Variants in TENM1 observed in about 807,000 individuals in gnomAD.
TENM1 encodes teneurin transmembrane protein 1.
Under a neutral mutation model 174.8 loss-of-function variants are expected in TENM1, and 35 were observed. The ratio of observed to expected loss-of-function variants is 0.20; its 90% CI spans 0.15 to 0.27. TENM1 has a LOEUF of 0.27. Among genes scored for constraint, TENM1 ranks in the 10% least tolerant of loss-of-function variants. The pLI is 1.00. For synonymous variants in TENM1, 781 were observed against 798.7 expected (o/e 0.98, Z 0.37); for missense variants, 1,633 against 2,130.1 (o/e 0.77, Z 4.59).
intron 5 of TENM1, among the ~76,000 whole-genome samples, chrX:124,697,092 A>G (rs1019410129): frequency 9.0e-6 from 1 of 111,590 alleles, no homozygotes; most frequent in Non-Finnish European, 1.9e-5. Context: ...GCCAGATCAT[A>G]TATCTTTTCT....
At chrX:124,757,204 C>A (rs1472683782) in intron 3 of TENM1, among the ~76,000 whole-genome samples, 2 of 112,631 alleles carry the variant, frequency 1.8e-5, no homozygotes, top group Non-Finnish European at 3.8e-5. Context: ...ATGGCAGGCG[C>A]CCCTCCCCCA....
intron 3 of TENM1, among the ~76,000 whole-genome samples, chrX:124,881,419 TC>T (rs1347593374): frequency 2.7e-5 from 3 of 111,245 alleles, no homozygotes; most frequent in Non-Finnish European, 1.9e-5. Context: ...GGGTCTACTC[TC>T]TTTTTTTTTG....
At chrX:124,685,386 A>G in intron 5 of TENM1, among the ~76,000 whole-genome samples, 1 of 111,151 alleles carries the variant, frequency 9.0e-6, no homozygotes, top group Non-Finnish European at 1.9e-5. Flanking sequence ...CAGAGCTGAA[A>G]AACACAATGA....
chrX:124,694,649 C>T (rs1024522838), intron 5 of TENM1, among the ~76,000 whole-genome samples: 1 of 111,858 alleles, frequency 8.9e-6, no homozygotes, highest in African/African-American at 3.3e-5. Context: ...ATTGTGTACC[C>T]AGTATCTATA....
At chrX:124,894,070 CCTT>C (rs1342002714) in intron 3 of TENM1, among the ~76,000 whole-genome samples, 1 of 111,682 alleles carries the variant, frequency 9.0e-6, no homozygotes, top group Non-Finnish European at 1.9e-5. Context: ...CCTGTTTTAT[CCTT>C]CTCCCTAGCT....
At chrX:124,508,613 G>A (rs2047505343) in intron 18 of TENM1, among the ~76,000 whole-genome samples, 1 of 112,066 alleles carries the variant, frequency 8.9e-6, no homozygotes, top group African/African-American at 3.2e-5. Context: ...AGTACAGGTA[G>A]GAAATTAAAA....
chrX:124,971,421 G>A, the TENM1 span, among the ~76,000 whole-genome samples: 3 of 111,332 alleles, frequency 2.7e-5, no homozygotes, highest in South Asian at 3.8e-4. Flanking sequence ...CTTCCTTCGC[G>A]CTAGATGATT....
chrX:124,641,283 A>G (rs959901612), intron 11 of TENM1, among the ~76,000 whole-genome samples: 13 of 112,049 alleles, frequency 1.2e-4, no homozygotes, highest in African/African-American at 3.9e-4. Context: ...TTATCTACAG[A>G]TAATGGGAAA....
chrX:124,777,701 C>T (rs186100954), intron 3 of TENM1, among the ~76,000 whole-genome samples: 11 of 112,345 alleles, frequency 9.8e-5, no homozygotes, highest in Non-Finnish European at 1.9e-4. Context: ...ATTGCCAATA[C>T]CTTTCCTGAT....
intron 11 of TENM1, among the ~76,000 whole-genome samples, chrX:124,604,801 C>A: frequency 9.0e-6 from 1 of 110,733 alleles, no homozygotes; most frequent in East Asian, 2.9e-4. Context: ...GGATTTGAAT[C>A]CTAGATCCAG....
the TENM1 span, among the ~76,000 whole-genome samples, chrX:125,035,312 T>C: frequency 1.8e-5 from 2 of 111,762 alleles, no homozygotes; most frequent in African/African-American, 3.2e-5. Context: ...TACTCTGCTA[T>C]AACAACCAGA....
Position 124,846,756 on chromosome X carries a change from A to G in TENM1, c.535+47540T>C, listed in dbSNP as rs150333637. 3.2e-3 allele frequency among the ~76,000 whole-genome samples: 354 copies of G among 111,654 alleles called. 2 individuals carry two copies. Among genetic ancestry groups the G allele is most frequent in the African/African-American group, 0.011 (344 of 30,843 alleles). On this transcript the variant is annotated intron_variant, in intron 3 of 31. Transcript: ENST00000422452. ...TTTGAAAAAAGAGATCTGGTTATCC[A>G]GAATTATCTTCTTCCCCACTGCATG... is the stretch of plus-strand genomic sequence containing the variant.
chrX:124,958,556 T>C (rs1473903533), intron 1 of TENM1, among the ~76,000 whole-genome samples: 1 of 111,599 alleles, frequency 9.0e-6, no homozygotes, highest in Non-Finnish European at 1.9e-5. Context: ...CTGAAGATCA[T>C]CACTCTCATG....
intron 27 of TENM1, among the ~76,000 whole-genome samples, chrX:124,401,101 C>G (rs1356068526): frequency 9.0e-6 from 1 of 111,556 alleles, no homozygotes; most frequent in Admixed American, 9.5e-5. Flanking sequence ...TTGCCTCCCT[C>G]ACCTTAAAAA....
intron 5 of TENM1, among the ~76,000 whole-genome samples, chrX:124,685,065 A>C (rs1191654195): frequency 9.0e-6 from 1 of 110,770 alleles, no homozygotes; most frequent in Admixed American, 9.6e-5. Context: ...TAATGACTGG[A>C]GAAGGTGCCA....
At chrX:125,164,625 G>C in the TENM1 span, among the ~76,000 whole-genome samples, 1 of 112,095 alleles carries the variant, frequency 8.9e-6, no homozygotes, top group Non-Finnish European at 1.9e-5. Flanking sequence ...CTAGCACATA[G>C]TAGACAGTTT....
At chrX:124,780,181 A>G (rs770160743) in intron 3 of TENM1, among the ~76,000 whole-genome samples, 2 of 112,161 alleles carry the variant, frequency 1.8e-5, no homozygotes, top group Non-Finnish European at 3.8e-5. Context: ...TGCATTTTCA[A>G]ACTCCTTGCC....
At chrX:125,168,420 G>A in the TENM1 span, among the ~76,000 whole-genome samples, 1 of 111,729 alleles carries the variant, frequency 9.0e-6, no homozygotes, top group African/African-American at 3.2e-5. Context: ...TTTTCTGTGT[G>A]TGGCAAACAC....
chrX:124,721,069 G>T (rs772802675), intron 4 of TENM1, among the ~76,000 whole-genome samples: 5 of 112,196 alleles, frequency 4.5e-5, no homozygotes, highest in African/African-American at 1.6e-4. Flanking sequence ...ATATCGTTTA[G>T]CTTCATTTCC....
Sources: allele counts gnomAD v4.1 joint callset (sites outside exome capture counted in the v4.1 genomes callset), GRCh38; gene constraint gnomAD v4.1.1; transcripts MANE v1.5; gene names NCBI Gene and HGNC (gene_info 2026-07-23, HGNC 2026-07-21).